The following PDE3B variants were observed in gnomAD, a reference collection of about 807,000 sequenced individuals.
The protein encoded by PDE3B is cGMP-inhibited 3',5'-cyclic phosphodiesterase 3B.
PDE3B carries 66 observed loss-of-function variants against 116.8 expected under a neutral mutation model. The observed-to-expected ratio is 0.56, with a 90% CI of 0.46 to 0.69. PDE3B has a LOEUF of 0.69. Among genes scored for constraint, PDE3B ranks in the 30% least tolerant of loss-of-function variants. The pLI, the probability that PDE3B is intolerant of heterozygous loss-of-function variation, is 0.00. For missense variants in PDE3B, 1,384 were observed against 1,368.1 expected, an observed-to-expected ratio of 1.01 and a Z score of -0.18; for synonymous variants, 595 against 533.6, an observed-to-expected ratio of 1.12 and a Z score of -1.59.
chr11:14,820,601 C>T (rs1859486474), intron 7 of PDE3B, among the ~76,000 whole-genome samples: 1 of 152,112 alleles, frequency 6.6e-6, no homozygotes, highest in South Asian at 2.1e-4. Context: ...TTGTGTTCCT[C>T]CAAAAATTCA....
chr11:14,821,451 A>G (rs1311400057), intron 7 of PDE3B, among the ~76,000 whole-genome samples: 2 of 152,182 alleles, frequency 1.3e-5, no homozygotes, highest in Non-Finnish European at 2.9e-5. Context: ...GAAATGCTTC[A>G]TTTACCTCAC....
chr11:14,896,695 A>T, the PDE3B span, among the ~76,000 whole-genome samples: 1 of 152,202 alleles, frequency 6.6e-6, no homozygotes, highest in Non-Finnish European at 1.5e-5. Context: ...TGTTACTACA[A>T]TTCTTCCCTA....
chr11:14,853,564 G>A (rs1847795828), intron 12 of PDE3B, among the ~76,000 whole-genome samples: 1 of 152,126 alleles, frequency 6.6e-6, no homozygotes, highest in Non-Finnish European at 1.5e-5. Flanking sequence ...TAACAAAGTA[G>A]GTTCTTTCAT....
intron 1 of PDE3B, among the ~76,000 whole-genome samples, chr11:14,675,307 G>A (rs1397848293): frequency 2.0e-5 from 3 of 151,880 alleles, no homozygotes; most frequent in South Asian, 2.1e-4. Context: ...CTTTGGGGTC[G>A]TTCCTTTATA....
At chr11:14,880,519 T>C in the PDE3B span, 3 of 1,613,536 alleles carry the variant, frequency 1.9e-6, no homozygotes, top group South Asian at 3.3e-5. Context: ...GTGCTGAAAA[T>C]CGGTGTCTTC....
intron 2 of PDE3B, among the ~76,000 whole-genome samples, chr11:14,782,647 C>T (rs992408435): frequency 2.0e-5 from 3 of 152,084 alleles, no homozygotes; most frequent in African/African-American, 4.8e-5. Flanking sequence ...GACCTAAAAC[C>T]GTAAAAACCC....
the PDE3B span, chr11:14,887,666 C>G: frequency 1.0e-6 from 1 of 984,788 alleles, no homozygotes; most frequent in Non-Finnish European, 1.2e-6. Flanking sequence ...GTCTCTTTCC[C>G]TCACCCAAAC....
chr11:14,674,330 G>A (rs56203656), intron 1 of PDE3B: 4 of 903,888 alleles, frequency 4.4e-6, no homozygotes, highest in South Asian at 2.6e-5. Flanking sequence ...GCTTTTTGAA[G>A]TTCTTATTCT....
chr11:14,774,084 A>G (rs1470320861), intron 2 of PDE3B: 1 of 152,192 alleles, frequency 6.6e-6, no homozygotes, highest in East Asian at 1.9e-4. Context: ...TAGAGGGAAA[A>G]GAGTAGCACA....
chr11:14,779,049 G>T (rs1008319556), intron 2 of PDE3B, among the ~76,000 whole-genome samples: 2 of 152,058 alleles, frequency 1.3e-5, no homozygotes, highest in Admixed American at 6.6e-5. Flanking sequence ...TAGCCGATTC[G>T]ATCAAGTAGA....
intron 1 of PDE3B, among the ~76,000 whole-genome samples, chr11:14,771,450 G>A (rs1857640527): frequency 6.6e-6 from 1 of 151,582 alleles, no homozygotes; most frequent in East Asian, 1.9e-4. Context: ...CATATCAAAA[G>A]GGGTATGTGC....
intron 5 of PDE3B, among the ~76,000 whole-genome samples, chr11:14,806,788 G>A (rs1310161242): frequency 2.7e-5 from 4 of 149,218 alleles, no homozygotes; most frequent in Admixed American, 1.3e-4. Context: ...GAACCCGGGA[G>A]GCGGAGCTTG....
At chr11:14,666,027 A>C (rs1473660516) in intron 1 of PDE3B, among the ~76,000 whole-genome samples, 2 of 152,168 alleles carry the variant, frequency 1.3e-5, no homozygotes, top group Non-Finnish European at 2.9e-5. Flanking sequence ...ACCTGACTTC[A>C]AACTATACTA....
chr11:14,669,285 A>C (rs1018932651), intron 1 of PDE3B, among the ~76,000 whole-genome samples: 6 of 151,652 alleles, frequency 4.0e-5, no homozygotes, highest in Admixed American at 6.6e-5. Flanking sequence ...GAGAATAACT[A>C]CCCCAGGCTC....
At chr11:14,893,837 A>G in the PDE3B span, among the ~76,000 whole-genome samples, 147 of 152,268 alleles carry the variant, frequency 9.7e-4, no homozygotes, top group Non-Finnish European at 1.7e-3. Context: ...AACCTAACAT[A>G]TTCACAGTTC....
At chr11:14,768,707 A>T (rs1857560722) in intron 1 of PDE3B, among the ~76,000 whole-genome samples, 1 of 151,484 alleles carries the variant, frequency 6.6e-6, no homozygotes, top group South Asian at 2.1e-4. Flanking sequence ...GTAGCAAAGG[A>T]CCAAGCTTTT....
At chr11:14,674,190 A>G in intron 1 of PDE3B, 3 of 1,263,794 alleles carry the variant, frequency 2.4e-6, no homozygotes, top group Non-Finnish European at 3.5e-6. Context: ...TACTGCCACC[A>G]TCTCCATTTC....
chr11:14,788,230 A>G (rs193121307), intron 3 of PDE3B, among the ~76,000 whole-genome samples: 1 of 152,088 alleles, frequency 6.6e-6, no homozygotes, highest in East Asian at 1.9e-4. Context: ...GAAAAGGGCA[A>G]AGGCATTTAT....
At chr11:14,844,091 C>A in intron 12 of PDE3B, 65 bp downstream of exon 12, 1 of 1,158,122 alleles carries the variant, frequency 8.6e-7, no homozygotes, top group Non-Finnish European at 1.3e-6. Context: ...CTGTGTATCC[C>A]TTTATAAATC....
Sources: allele counts gnomAD v4.1 joint callset (sites outside exome capture counted in the v4.1 genomes callset), GRCh38; gene constraint gnomAD v4.1.1; transcripts MANE v1.5; gene names NCBI Gene and HGNC (gene_info 2026-07-23, HGNC 2026-07-21).